MYO9B: variants seen among roughly 807,000 people sequenced by gnomAD.
MYO9B encodes myosin IXB.
A neutral mutation model predicts 229.5 loss-of-function variants in MYO9B; 71 were observed. That is an observed-to-expected ratio of 0.31 (90% CI 0.26 to 0.38). The LOEUF (loss-of-function observed/expected upper bound fraction) is 0.38, where lower values mean the gene tolerates loss of function less well. MYO9B is among the 10% of genes least tolerant of loss of function. MYO9B has a pLI of 1.00. For synonymous variants in MYO9B, 1,185 were observed against 1,235.8 expected (o/e 0.96, Z 0.86); for missense variants, 2,255 against 2,920.5 (o/e 0.77, Z 5.25).
chr19:17,181,054 C>T lies in MYO9B; in HGVS notation c.2333+14C>T. On this transcript the variant is annotated intron_variant, in intron 15 of 39. Transcript: ENST00000682292. ...CGCCTTCATCCTGTGAGTCCCCCAC[C>T]AAGGCCCTGCTTACAAGTGCGACAA... The T allele has an allele frequency of 3.8e-6, 6 of 1,570,568 alleles. No homozygotes were observed. Among genetic ancestry groups the T allele is most frequent in the Non-Finnish European group, 5.2e-6 (6 of 1,146,942 alleles).
At position 17,151,762 on chromosome 19, in the gene MYO9B, C is replaced by T. The variant is rs558006583; in HGVS notation, c.936-882C>T. On this transcript the variant is annotated intron_variant, in intron 3 of 39. Transcript: ENST00000682292. ...CGAAATCCCATCTCTACAAAAACTA[C>T]AAAAACTAGCCTGTAGTCCCAGCCA... 7.2e-5 allele frequency among the ~76,000 whole-genome samples: 11 copies of T among 152,206 alleles called. 2 individuals carry two copies. In the South Asian group the frequency reaches 2.3e-3, roughly 32 times the overall value.
chr19:17,113,760 C>T (rs1026940662), intron 2 of MYO9B, among the ~76,000 whole-genome samples: 11 of 152,072 alleles, frequency 7.2e-5, no homozygotes, highest in Non-Finnish European at 1.0e-4. Context: ...TTTGGGGGCC[C>T]TGGGTCTGCA....
In MYO9B at chr19:17,115,849, G is replaced by A. The variant is rs1487642131; in HGVS notation, c.840+13292G>A. Among the ~76,000 whole-genome samples the A allele has an allele frequency of 3.3e-5, 5 of 151,824 alleles. No individual in the cohort carries two copies. In the East Asian group the frequency reaches 9.7e-4, roughly 29 times the overall value. ...CAGCTTTCCATCCTAGATCCAGACAGCCCAGATCACCAGCTGGAATCTCTG... is the reference window on the plus strand; with the variant it reads ...CAGCTTTCCATCCTAGATCCAGACAACCCAGATCACCAGCTGGAATCTCTG... On this transcript the variant is annotated intron_variant, in intron 2 of 39. Coordinates refer to ENST00000682292, the MANE Select transcript of MYO9B (RefSeq NM_004145.4).
chr19:17,083,391 A>T (rs537308038), intron 1 of MYO9B, among the ~76,000 whole-genome samples: 4 of 152,096 alleles, frequency 2.6e-5, no homozygotes, highest in African/African-American at 4.8e-5. Context: ...TTGGGGGCAG[A>T]TCATTCTCTT....
intron 2 of MYO9B, among the ~76,000 whole-genome samples, chr19:17,128,777 G>A: frequency 6.6e-6 from 1 of 152,250 alleles, no homozygotes; most frequent in African/African-American, 2.4e-5. Context: ...AGAAATAACA[G>A]GAGGTCCAAG....
At chr19:17,175,452 G>A (rs2072775800) in intron 13 of MYO9B, among the ~76,000 whole-genome samples, 1 of 151,928 alleles carries the variant, frequency 6.6e-6, no homozygotes, top group Non-Finnish European at 1.5e-5. Context: ...GGGCACAGTG[G>A]CCTGTAGTCC....
At chr19:17,156,555 TTAAAAA>T (rs1182353179) in intron 6 of MYO9B, among the ~76,000 whole-genome samples, 3 of 152,044 alleles carry the variant, frequency 2.0e-5, no homozygotes, top group African/African-American at 7.2e-5. Context: ...CCCCATCCCT[TTAAAAA>T]TATGTTTTTA....
rs544553434 is a variant in MYO9B, at chr19:17,179,046, A to C, written c.2220-1881A>C. ...ACTCTGTAAAAAAAAAAAAAAAAAA[A>C]AACTAGGGTTTCTCAACCTCAGCAC... On this transcript the variant is annotated intron_variant, in intron 14 of 39. Coordinates refer to ENST00000682292, the MANE Select transcript of MYO9B (RefSeq NM_004145.4). 9.6e-4 allele frequency among the ~76,000 whole-genome samples: 145 copies of C among 151,586 alleles called. No homozygotes were observed. The East Asian group carries it at 0.025, about 26-fold the overall frequency.
intron 2 of MYO9B, among the ~76,000 whole-genome samples, chr19:17,134,055 C>T (rs1460443126): frequency 6.6e-6 from 1 of 151,992 alleles, no homozygotes; most frequent in African/African-American, 2.4e-5. Flanking sequence ...GCCACCATGC[C>T]TGGCCTGCTT....
intron 2 of MYO9B, 103 bp downstream of exon 2, chr19:17,102,660 G>A: frequency 7.1e-7 from 1 of 1,417,786 alleles, no homozygotes; most frequent in Non-Finnish European, 9.3e-7. Context: ...CAATGCTTTG[G>A]AAGGCTGAGG....
At chr19:17,081,534 T>G (rs2057533756) in intron 1 of MYO9B, among the ~76,000 whole-genome samples, 1 of 151,952 alleles carries the variant, frequency 6.6e-6, no homozygotes, top group African/African-American at 2.4e-5. Context: ...AGAGGCCTGG[T>G]GCAGTGGCTT....
chr19:17,093,719 T>G, intron 1 of MYO9B, among the ~76,000 whole-genome samples: 3 of 149,724 alleles, frequency 2.0e-5, no homozygotes, highest in East Asian at 2.0e-4. Flanking sequence ...TTGAGATAGG[T>G]TCTTGCCCTG....
intron 24 of MYO9B, among the ~76,000 whole-genome samples, chr19:17,199,680 AT>A (rs929396591): frequency 1.8e-5 from 2 of 109,606 alleles, no homozygotes; most frequent in Non-Finnish European, 3.5e-5. Context: ...TGCCCAGCTA[AT>A]TTTTTTTTCT....
intron 2 of MYO9B, among the ~76,000 whole-genome samples, chr19:17,130,106 C>T (rs1335519463): frequency 6.6e-6 from 1 of 152,130 alleles, no homozygotes; most frequent in Non-Finnish European, 1.5e-5. Flanking sequence ...AGATGTGAGC[C>T]ACCTGCCTGG....
intron 6 of MYO9B, among the ~76,000 whole-genome samples, chr19:17,154,716 C>T (rs2072518829): frequency 6.6e-6 from 1 of 152,178 alleles, no homozygotes; most frequent in African/African-American, 2.4e-5. Context: ...AATCCCAGCA[C>T]TTTGGGAGGC....
intron 1 of MYO9B, among the ~76,000 whole-genome samples, chr19:17,091,682 G>T (rs2057640096): frequency 6.6e-6 from 1 of 152,152 alleles, no homozygotes; most frequent in Non-Finnish European, 1.5e-5. Context: ...GCCTTGCAGG[G>T]GGCACGCCAG....
intron 3 of MYO9B, among the ~76,000 whole-genome samples, chr19:17,148,751 T>C (rs539508520): frequency 6.6e-6 from 1 of 152,210 alleles, no homozygotes; most frequent in Admixed American, 6.5e-5. Flanking sequence ...ACCCAGCTAA[T>C]TTTTGTATTT....
At chr19:17,196,697 A>T (rs1007890829) in intron 22 of MYO9B, among the ~76,000 whole-genome samples, 1 of 151,908 alleles carries the variant, frequency 6.6e-6, no homozygotes, top group African/African-American at 2.4e-5. Context: ...AAAAAAAAAA[A>T]AGTAGAGATT....
intron 3 of MYO9B, among the ~76,000 whole-genome samples, chr19:17,147,530 G>C (rs1263436670): frequency 1.0e-5 from 1 of 97,656 alleles, no homozygotes; most frequent in South Asian, 3.3e-4. Flanking sequence ...GGTGACGAGC[G>C]AAAGTCCATC....
Sources: allele counts gnomAD v4.1 joint callset (sites outside exome capture counted in the v4.1 genomes callset), GRCh38; gene constraint gnomAD v4.1.1; transcripts MANE v1.5; gene names NCBI Gene and HGNC (gene_info 2026-07-23, HGNC 2026-07-21).